Variants in RAB36 observed in about 807,000 individuals in gnomAD.
RAB36 encodes ras-related protein Rab-36.
RAB36 carries 33 observed loss-of-function variants against 39.3 expected under a neutral mutation model. The observed-to-expected ratio is 0.84, with a 90% CI of 0.64 to 1.12. The LOEUF (loss-of-function observed/expected upper bound fraction) is 1.12. RAB36 is among the 50% of genes most tolerant of loss of function. RAB36 has a pLI of 0.00. For synonymous variants in RAB36, 133 were observed against 140.2 expected (o/e 0.95, Z 0.36); for missense variants, 308 against 355.3 (o/e 0.87, Z 1.07).
rs545673422 is a variant in RAB36 at position 23,153,046 on chromosome 22, G to A, written c.241G>A (p.Val81Ile). 53 of 1,614,062 alleles carry A rather than the reference G, an allele frequency of 3.3e-5. No homozygotes were observed. The East Asian group carries it at 1.0e-3, about 31-fold the overall frequency. ...CATCCCCCACAGGTTTTGCAAGAAT[G>A]TTTTTGATCGAGACTACAAGGCCAC... ...TSLIHRFCKNVFDRDYKATIG... is the reference protein window; with the variant it reads ...TSLIHRFCKNIFDRDYKATIG... The change falls in exon 5 of 11, where the codon GTT becomes ATT. Residue 81 changes from valine to isoleucine, a missense_variant. Val to Ile is a conservative substitution (Grantham distance 29, BLOSUM62 3). Coordinates refer to ENST00000263116, the MANE Select transcript of RAB36 (RefSeq NM_004914.5).
In RAB36 at chr22:23,155,841, C is replaced by A. The variant is rs548646680; in HGVS notation, c.330-127C>A. 160 of 787,716 alleles carry A rather than the reference C, an allele frequency of 2.0e-4. 2 individuals carry two copies. In the South Asian group the frequency reaches 2.7e-3, roughly 13 times the overall value. The allele number at this position is 787,716 out of a possible 1,614,324, so 48.8% of individuals were successfully genotyped here. ...GACATCTGGCTCACAACAGGCACTT[C>A]CTGAAGCCCATGCAGCTGGCACAGG... On this transcript the variant is annotated intron_variant, in intron 5 of 10. Transcript: ENST00000263116.
At chr22:23,153,602 C>CA in intron 5 of RAB36, 1 of 985,092 alleles carries the variant, frequency 1.0e-6, no homozygotes, top group Non-Finnish European at 1.2e-6. Flanking sequence ...ACAGCACCCA[C>CA]ATCCTTCCTC....
chr22:23,151,488 CTG>C (rs1227856585), intron 3 of RAB36, among the ~76,000 whole-genome samples: 3 of 152,222 alleles, frequency 2.0e-5, no homozygotes, highest in Non-Finnish European at 4.4e-5. Context: ...TGCCCTCTTG[CTG>C]TCTGCAGGCA....
intron 1 of RAB36, 49 bp from the exon 2 acceptor site, chr22:23,146,556 A>G: frequency 6.3e-7 from 1 of 1,595,106 alleles, no homozygotes. Context: ...GTGAATCCCC[A>G]GGTATTTGCA....
intron 9 of RAB36, 114 bp from the exon 10 acceptor site, chr22:23,160,765 C>A: frequency 6.9e-7 from 1 of 1,439,736 alleles, no homozygotes; most frequent in African/African-American, 1.4e-5. Context: ...TCAGGGTGCT[C>A]TAGAAAGGGC....
At chr22:23,168,927 T>C (rs529678333), downstream of RAB36, among the ~76,000 whole-genome samples, 62 of 152,302 alleles carry the variant, frequency 4.1e-4, no homozygotes, top group South Asian at 0.013. Context: ...GAGGGTACAC[T>C]AGGCCTCTGC....
intron 1 of RAB36, chr22:23,145,865 C>A (rs2070741345): frequency 1.7e-6 from 1 of 576,884 alleles, no homozygotes; most frequent in Non-Finnish European, 2.2e-6. Flanking sequence ...CTCGAGGAGT[C>A]AGAGGCCTGG....
rs569177345 is a variant in RAB36, at chr22:23,164,911, A to G, written c.*3347A>G. On this transcript the variant is annotated 3_prime_UTR_variant, in exon 11 of 11. Coordinates refer to ENST00000263116, the MANE Select transcript of RAB36 (RefSeq NM_004914.5). ...TCACCACCCAGCCCACCCCACCCCC[A>G]CAGGCCCCTGTGCTCCAGTTTCATC... Among the ~76,000 whole-genome samples, 39 of 44,984 alleles carry G rather than the reference A, an allele frequency of 8.7e-4. No homozygotes were observed. The highest frequency in any genetic ancestry group is 3.6e-3 in the African/African-American group (39 of 10,926). The allele number at this position is 44,984 out of a possible 152,430, so 29.5% of individuals were successfully genotyped here.
Position 23,161,654 on chromosome 22 carries a change from G to A in RAB36, c.*90G>A. On this transcript the variant is annotated 3_prime_UTR_variant, in exon 11 of 11. Coordinates refer to ENST00000263116, the MANE Select transcript of RAB36 (RefSeq NM_004914.5). The stretch of plus-strand genomic sequence containing the variant: ...GTGTGGAGACTGGAGCCCAAGCTCT[G>A]CAGCGTGTCGCCCTCAAGCTGTAGG... 8.6e-7 allele frequency: 1 copy of A among 1,160,008 alleles called. No individual in the cohort carries two copies. The highest frequency in any genetic ancestry group is 1.2e-6 in the Non-Finnish European group (1 of 818,900). 71.9% of individuals were successfully genotyped at this position (1,160,008 alleles called of 1,614,324 possible).
At chr22:23,150,748 C>G (rs1032784213) in intron 3 of RAB36, among the ~76,000 whole-genome samples, 1 of 152,214 alleles carries the variant, frequency 6.6e-6, no homozygotes, top group Non-Finnish European at 1.5e-5. Flanking sequence ...CTAATCCCCT[C>G]GCTTCCCCTT....
intron 10 of RAB36, 59 bp downstream of exon 10, chr22:23,161,057 T>G: frequency 6.5e-7 from 1 of 1,540,230 alleles, no homozygotes; most frequent in African/African-American, 1.4e-5. Flanking sequence ...AAAATCCACA[T>G]GCGCCATCCT....
intron 10 of RAB36, 64 bp from the exon 11 acceptor site, chr22:23,161,436 C>A: frequency 7.1e-7 from 1 of 1,399,846 alleles, no homozygotes; most frequent in Non-Finnish European, 1.0e-6. Flanking sequence ...GGGCCGGCAT[C>A]CCCTGCCCAG....
At chr22:23,167,432 C>G (rs1409826781), downstream of RAB36, among the ~76,000 whole-genome samples, 2 of 152,170 alleles carry the variant, frequency 1.3e-5, no homozygotes, top group Non-Finnish European at 2.9e-5. Context: ...ATCTTTCAAC[C>G]CTGTCCCCTG....
At chr22:23,159,402 C>T in intron 9 of RAB36, 149 bp downstream of exon 9, 1 of 782,430 alleles carries the variant, frequency 1.3e-6, no homozygotes, top group Non-Finnish European at 2.0e-6. Flanking sequence ...CCCTGCTGTG[C>T]TGGTGCCTGG....
In RAB36 at chr22:23,165,362, A is replaced by C. The variant is rs527375870; in HGVS notation, c.*3798A>C. On this transcript the variant is annotated 3_prime_UTR_variant, in exon 11 of 11. Transcript: ENST00000263116. The stretch of plus-strand genomic sequence containing the variant: ...CAGGGACAGTTGTGCCTCATCCCTC[A>C]CTTGCAAACCCCAGTCCTGTCTGAC... 6.6e-6 allele frequency among the ~76,000 whole-genome samples: 1 copy of C among 152,182 alleles called. No individual in the cohort carries two copies. The highest frequency in any genetic ancestry group is 1.9e-4 in the East Asian group (1 of 5,162).
At position 23,162,582 on chromosome 22, in the gene RAB36, CAG is replaced by C. The variant is rs1333670604; in HGVS notation, c.*1020_*1021del. 4.4e-6 allele frequency: 2 copies of C among 451,986 alleles called. No individual in the cohort carries two copies. Among genetic ancestry groups the C allele is most frequent in the East Asian group, 7.0e-5 (1 of 14,288 alleles). 28.0% of individuals were successfully genotyped at this position (451,986 alleles called of 1,614,324 possible). On this transcript the variant is annotated 3_prime_UTR_variant, in exon 11 of 11. Coordinates refer to ENST00000263116, the MANE Select transcript of RAB36 (RefSeq NM_004914.5). ...CCGCCTCCTGCACATGCAGAGCAGA[CAG>C]AAATACCCCACACATTCCCCAGCCT... is the stretch of plus-strand genomic sequence containing the variant.
chr22:23,150,451 G>A (rs1404527573), intron 3 of RAB36, among the ~76,000 whole-genome samples: 1 of 151,800 alleles, frequency 6.6e-6, no homozygotes, highest in East Asian at 1.9e-4. Context: ...ACAGGCGCCC[G>A]CCACCACGCC....
chr22:23,157,625 C>T (rs1417158624), intron 6 of RAB36, among the ~76,000 whole-genome samples: 1 of 152,196 alleles, frequency 6.6e-6, no homozygotes, highest in Non-Finnish European at 1.5e-5. Context: ...CTACAGGTCT[C>T]GTCCTCGCCA....
intron 1 of RAB36, chr22:23,145,922 G>A (rs765981107): frequency 9.4e-6 from 9 of 957,154 alleles, no homozygotes; most frequent in Non-Finnish European, 1.1e-5. Context: ...TGAAAGTTAA[G>A]GCCCCCAGGC....
Sources: allele counts gnomAD v4.1 joint callset (sites outside exome capture counted in the v4.1 genomes callset), GRCh38; gene constraint gnomAD v4.1.1; transcripts MANE v1.5; gene names NCBI Gene and HGNC (gene_info 2026-07-23, HGNC 2026-07-21).